Variants in NDUFAB1 observed in about 807,000 individuals in gnomAD.
NDUFAB1 encodes acyl carrier protein, mitochondrial.
In NDUFAB1, 5 loss-of-function variants were observed where a neutral mutation model predicts 16.1. That is an observed-to-expected ratio of 0.31 (90% CI 0.16 to 0.65). The LOEUF is 0.65. NDUFAB1 is among the 30% of genes least tolerant of loss of function. NDUFAB1 has a pLI of 0.77. For synonymous variants in NDUFAB1, 85 were observed against 78.4 expected (o/e 1.08, Z -0.44); for missense variants, 187 against 205.3 (o/e 0.91, Z 0.54).
chr16:23,583,542 G>A (rs1443213400), intron 3 of NDUFAB1, among the ~76,000 whole-genome samples: 10 of 142,556 alleles, frequency 7.0e-5, no homozygotes, highest in South Asian at 2.3e-4. Flanking sequence ...CTGCCCGGCC[G>A]CGACCCCATC....
At chr16:23,587,083 C>T in intron 2 of NDUFAB1, 114 bp downstream of exon 2, 1 of 1,045,110 alleles carries the variant, frequency 9.6e-7, no homozygotes, top group Non-Finnish European at 1.4e-6. Context: ...CAGAATGGGC[C>T]TGGGTGTCTG....
rs11541096 is a variant in NDUFAB1 at position 23,596,138 on chromosome 16, G to A, written c.153C>T (p.Ala51=). ...CACGAGTCACCTGCGCGAGCACTAA[G>A]GCCGGCTGCAAAGTCCCGAGCCTCG... ...TQTRLGTLQP[A]LVLAQVPGRV... Residue 51 remains alanine (A), a synonymous_variant, in exon 1 of 5, where the codon GCC becomes GCT. Transcript: ENST00000007516. 22 of 1,608,512 alleles carry A rather than the reference G, an allele frequency of 1.4e-5. No homozygotes were observed. Among genetic ancestry groups the A allele is most frequent in the Non-Finnish European group, 1.8e-5 (21 of 1,177,986 alleles).
At chr16:23,588,561 G>A (rs560519908) in intron 1 of NDUFAB1, among the ~76,000 whole-genome samples, 4 of 152,244 alleles carry the variant, frequency 2.6e-5, no homozygotes, top group Non-Finnish European at 4.4e-5. Flanking sequence ...CCTATAGAAA[G>A]TGGGGCTGCT....
chr16:23,592,042 A>G (rs956776369), intron 1 of NDUFAB1, among the ~76,000 whole-genome samples: 4 of 152,246 alleles, frequency 2.6e-5, no homozygotes, highest in African/African-American at 9.6e-5. Context: ...GGCAAGCACC[A>G]TGACAGAAGT....
rs181085401 is a variant in NDUFAB1 at position 23,584,663 on chromosome 16, C to T, written c.379+673G>A. Among the ~76,000 whole-genome samples, 138 of 152,242 alleles carry T rather than the reference C, an allele frequency of 9.1e-4. 1 individual carries two copies. Among genetic ancestry groups the T allele is most frequent in the African/African-American group, 3.2e-3 (135 of 41,546 alleles). ...GGCTTTGAGAGATACAGTTACTTGT[C>T]CAGGCTCATACCTGACTAAGCTCAA... On this transcript the variant is annotated intron_variant, in intron 3 of 4. Transcript: ENST00000007516.
chr16:23,585,307 C>A (rs1966223408), intron 3 of NDUFAB1, 29 bp downstream of exon 3: 1 of 1,501,510 alleles, frequency 6.7e-7, no homozygotes, highest in South Asian at 1.1e-5. Context: ...TCAAAAATCG[C>A]AGTGTGTAGA....
At chr16:23,588,083 G>GTA (rs946029997) in intron 1 of NDUFAB1, among the ~76,000 whole-genome samples, 12 of 152,240 alleles carry the variant, frequency 7.9e-5, no homozygotes, top group Admixed American at 7.9e-4. Context: ...ACAGGTCAGG[G>GTA]GGTTTAATGC....
chr16:23,587,744 TC>T (rs1459229300), intron 1 of NDUFAB1, among the ~76,000 whole-genome samples: 1 of 152,254 alleles, frequency 6.6e-6, no homozygotes, highest in African/African-American at 2.4e-5. Flanking sequence ...GAAAGAGCTG[TC>T]ATGGTAAACC....
intron 1 of NDUFAB1, chr16:23,595,671 A>G (rs1597058021): frequency 2.2e-6 from 1 of 459,386 alleles, no homozygotes; most frequent in Non-Finnish European, 4.4e-6. Flanking sequence ...AACTGCAGAG[A>G]GAAAACCGCT....
chr16:23,593,887 T>TTGATTG (rs1966300059), intron 1 of NDUFAB1, among the ~76,000 whole-genome samples: 1 of 149,006 alleles, frequency 6.7e-6, no homozygotes, highest in African/African-American at 2.5e-5. Flanking sequence ...TTTATTTATT[T>TTGATTG]ATTTATTTAT....
At chr16:23,583,120 A>T (rs505108) in intron 3 of NDUFAB1, among the ~76,000 whole-genome samples, 42,690 of 126,016 alleles carry the variant, frequency 0.34, 6,587 homozygotes, top group African/African-American at 0.48. Flanking sequence ...CACTCAGTGC[A>T]CAATGTTGCC....
chr16:23,595,422 C>T, intron 1 of NDUFAB1: 1 of 376,962 alleles, frequency 2.7e-6, no homozygotes, highest in Non-Finnish European at 5.2e-6. Context: ...AATCCCCGCA[C>T]ACTCACGTCC....
chr16:23,596,254 G>A lies in NDUFAB1; in HGVS notation c.37C>T (p.Leu13=), dbSNP rs200212772. ...SRVLSAYVSR[L]PAAFAPLPRV... is the part of the protein sequence containing the mutation. ...GGCAGCGGCGCAAAGGCCGCGGGCA[G>A]GCGGCTGACATAGGCTGAAAGGACA... The change falls in exon 1 of 5, where the codon CTG becomes TTG. Residue 13 remains leucine (L), a synonymous_variant. Transcript: ENST00000007516. 9 of 1,596,834 alleles carry A rather than the reference G, an allele frequency of 5.6e-6. No homozygotes were observed. The highest frequency in any genetic ancestry group is 6.0e-6 in the Non-Finnish European group (7 of 1,173,174).
intron 4 of NDUFAB1, chr16:23,581,901 C>G (rs1478257312): frequency 6.5e-6 from 1 of 154,822 alleles, no homozygotes; most frequent in Non-Finnish European, 1.4e-5. Flanking sequence ...ATACATGAGG[C>G]CTCTCTTGCC....
chr16:23,582,562 G>GGTTT (rs1175906519), intron 3 of NDUFAB1, among the ~76,000 whole-genome samples, 187 bp from the exon 4 acceptor site: 1 of 132,598 alleles, frequency 7.5e-6, no homozygotes. Context: ...ATGCTTTGGA[G>GGTTT]GTATGTTTGT....
At chr16:23,589,300 A>G (rs1250281178) in intron 1 of NDUFAB1, among the ~76,000 whole-genome samples, 9 of 140,980 alleles carry the variant, frequency 6.4e-5, no homozygotes, top group East Asian at 2.1e-4. Flanking sequence ...CCGTCTCAAG[A>G]AAAAAAAAAA....
chr16:23,594,739 C>T (rs996084290), intron 1 of NDUFAB1, among the ~76,000 whole-genome samples: 2 of 151,896 alleles, frequency 1.3e-5, no homozygotes, highest in African/African-American at 2.4e-5. Flanking sequence ...TCGCCCGCCT[C>T]GGCCTCCCAA....
intron 1 of NDUFAB1, among the ~76,000 whole-genome samples, chr16:23,594,909 T>C (rs1271336478): frequency 6.6e-6 from 1 of 151,974 alleles, no homozygotes; most frequent in Non-Finnish European, 1.5e-5. Context: ...CTTAAGACGG[T>C]TATTTTTATT....
At chr16:23,581,362 A>G (rs748072381) in intron 4 of NDUFAB1, among the ~76,000 whole-genome samples, 189 bp from the exon 5 acceptor site, 1 of 152,152 alleles carries the variant, frequency 6.6e-6, no homozygotes, top group African/African-American at 2.4e-5. Flanking sequence ...CCTGGCCAAC[A>G]TGGTGAAACC....
Sources: gnomAD v4.1 joint callset for allele counts (sites outside exome capture counted in the v4.1 genomes callset) on GRCh38, gnomAD v4.1.1 for gene constraint, MANE v1.5 for transcripts, NCBI Gene and HGNC (gene_info 2026-07-23, HGNC 2026-07-21) for gene names.